Variants in RAVER1 observed in about 807,000 individuals in gnomAD.
The protein encoded by RAVER1 is ribonucleoprotein, PTB binding 1, also known as ribonucleoprotein PTB-binding 1.
RAVER1 carries 36 observed loss-of-function variants against 68.4 expected under a neutral mutation model. The ratio of observed to expected loss-of-function variants is 0.53; its 90% CI spans 0.40 to 0.70. The LOEUF is 0.70. Ranked by LOEUF, RAVER1 falls within the 30% of genes least tolerant of loss-of-function variation. The pLI, the probability that RAVER1 is intolerant of heterozygous loss-of-function variation, is 0.00. For missense variants in RAVER1, 933 were observed against 1,019.8 expected, an observed-to-expected ratio of 0.91 and a Z score of 1.16; for synonymous variants, 469 against 472.7, an observed-to-expected ratio of 0.99 and a Z score of 0.10.
chr19:10,323,176 G>T lies in RAVER1; in HGVS notation c.1047C>A (p.Pro349=). ...PSASLQLLLN[P]LLHGSAGGKQ... Reference sequence around the variant, plus strand: ...TCCCCCCCGCACTGCCATGGAGCAGGGGGTTGAGCAGCAGCTGGAGGGACG... The same window carrying T: ...TCCCCCCCGCACTGCCATGGAGCAGTGGGTTGAGCAGCAGCTGGAGGGACG... Residue 349 remains proline (P), a synonymous_variant, in exon 5 of 13, where the codon CCC becomes CCA. Coordinates refer to ENST00000617231, the MANE Select transcript of RAVER1 (RefSeq NM_133452.3). This position sits in a 1 kb window ranked among gnomAD's most constrained non-coding sequence, Gnocchi z 6.2. 1.9e-6 allele frequency: 3 copies of T among 1,611,212 alleles called. No individual in the cohort carries two copies. Among genetic ancestry groups the T allele is most frequent in the Non-Finnish European group, 2.5e-6 (3 of 1,178,918 alleles).
rs375304933 is a variant in RAVER1 at position 10,328,693 on chromosome 19, C to T, written c.705G>A (p.Val235=). The T allele has an allele frequency of 3.7e-6, 6 of 1,602,700 alleles. No homozygotes were observed. Among genetic ancestry groups the T allele is most frequent in the Non-Finnish European group, 5.1e-6 (6 of 1,175,312 alleles). The change falls in exon 3 of 13, where the codon GTG becomes GTA. Residue 235 remains valine, a synonymous_variant. Transcript: ENST00000617231. This position sits in a 1 kb window ranked among gnomAD's most constrained non-coding sequence, Gnocchi z 4.4. ...CTGACAGCGCCCGGCACAGAGCGTC[C>T]ACATCGTTGAAGCCAGGTGGCAGGC... ...VDRLPPGFND[V]DALCRALSAV...
chr19:10,321,601 TC>T lies in RAVER1; in HGVS notation c.1190del (p.Gly397GlufsTer110). On this transcript the variant is annotated frameshift_variant, in exon 7 of 13. Transcript: ENST00000617231. LOFTEE classifies it high-confidence loss of function. ...GCTGGAGGGCGCCCAGGGGTGAGTCTCCCAGGATGCCGGGCTTCTAGGGACA... is the reference window on the plus strand; with the variant it reads ...GCTGGAGGGCGCCCAGGGGTGAGTCTCCAGGATGCCGGGCTTCTAGGGACA... ...TQGQKKPGIL[G>X]DSPLGALQPG... The T allele has an allele frequency of 7.1e-7, 1 of 1,409,344 alleles. No individual in the cohort carries two copies. Among genetic ancestry groups the T allele is most frequent in the African/African-American group, 1.5e-5 (1 of 67,118 alleles). 87.3% of individuals were successfully genotyped at this position (1,409,344 alleles called of 1,614,324 possible). A position where few individuals can be genotyped will look rare whatever the true frequency, so the allele number is the denominator to read the frequency against.
At position 10,329,007 on chromosome 19, in the gene RAVER1, C is replaced by A; in HGVS notation, c.391G>T (p.Asp131Tyr). Residue 131 changes from aspartate (D) to tyrosine (Y), a missense_variant, in exon 3 of 13, where the codon GAT becomes TAT. Asp to Tyr is a radical substitution (Grantham distance 160). Around this residue, in one of 3 missense-constraint regions of RAVER1, gnomAD observed 211 missense variants for 230.0 expected, o/e 0.92. Transcript: ENST00000617231. The surrounding 1 kb of genome is among the most constrained non-coding windows in gnomAD (Gnocchi z 4.6). ...RELSVQLQPTDALLCVANLPP... is the reference protein window; with the variant it reads ...RELSVQLQPTYALLCVANLPP... ...AGGTTGGCCACACACAGCAGGGCAT[C>A]CGTGGGCTGCAGCTGCACCGACAGT... 1 of 1,578,370 alleles carries A rather than the reference C, an allele frequency of 6.3e-7. No individual in the cohort carries two copies. The highest frequency in any genetic ancestry group is 1.1e-5 in the South Asian group (1 of 86,964).
chr19:10,330,315 A>T, intron 2 of RAVER1, 145 bp downstream of exon 2: 2 of 582,414 alleles, frequency 3.4e-6, no homozygotes, highest in Non-Finnish European at 6.2e-6. Context: ...AGATGACAGG[A>T]TGACAGGCAG....
rs767115985 is a variant in RAVER1 at position 10,323,461 on chromosome 19, C to T, written c.862G>A (p.Gly288Arg). 6 of 1,610,032 alleles carry T rather than the reference C, an allele frequency of 3.7e-6. No homozygotes were observed. Among genetic ancestry groups the T allele is most frequent in the Non-Finnish European group, 5.1e-6 (6 of 1,179,562 alleles). ...AAGGAGACTCGCAGGTGGCTGCCCC[C>T]CAGGGACAGGCCGTCCGCCTGCTGC... ...AQQQADGLSL[G>R]GSHLRVSFCA... Residue 288 changes from glycine (G) to arginine (R), a missense_variant, in exon 4 of 13, where the codon GGG becomes AGG. By Grantham distance (125) the Gly-to-Arg change is moderately radical. This residue lies in a region of RAVER1 where 699 missense variants were observed against 731.1 expected (regional missense o/e 0.96). Transcript: ENST00000617231. The surrounding 1 kb of genome is among the most constrained non-coding windows in gnomAD (Gnocchi z 6.2).
rs562246379 is a variant in RAVER1, at chr19:10,328,698, C to T, written c.700G>A (p.Asp234Asn). 13 of 1,604,876 alleles carry T rather than the reference C, an allele frequency of 8.1e-6. No homozygotes were observed. The highest frequency in any genetic ancestry group is 2.2e-5 in the East Asian group (1 of 44,468). The change falls in exon 3 of 13, where the codon GAT becomes AAT. Residue 234 changes from aspartate (D) to asparagine (N), a missense_variant. Around this residue, in one of 3 missense-constraint regions of RAVER1, gnomAD observed 699 missense variants for 731.1 expected, o/e 0.96. Coordinates refer to ENST00000617231, the MANE Select transcript of RAVER1 (RefSeq NM_133452.3). The surrounding 1 kb of genome is among the most constrained non-coding windows in gnomAD (Gnocchi z 4.4). ...CVDRLPPGFN[D>N]VDALCRALSA... ...AGCGCCCGGCACAGAGCGTCCACAT[C>T]GTTGAAGCCAGGTGGCAGGCGGTCC... is the stretch of plus-strand genomic sequence containing the variant.
chr19:10,323,529 G>A lies in RAVER1; in HGVS notation c.794C>T (p.Ala265Val), dbSNP rs767186725. ...CTCAGCCGTCTCATACTCCAGCACC[G>A]CGAAGCCCTTCAGCTGCCCATCCTG... ...CGQDGQLKGF[A>V]VLEYETAEMA... The change falls in exon 4 of 13, where the codon GCG (alanine) becomes GTG (valine). Residue 265 changes from alanine to valine, a missense_variant. This residue lies in a region of RAVER1 where 699 missense variants were observed against 731.1 expected (regional missense o/e 0.96). Transcript: ENST00000617231. The surrounding 1 kb of genome is among the most constrained non-coding windows in gnomAD (Gnocchi z 6.2). 1.3e-4 allele frequency: 206 copies of A among 1,603,966 alleles called. No homozygotes were observed. Among genetic ancestry groups the A allele is most frequent in the Non-Finnish European group, 1.6e-4 (193 of 1,177,614 alleles).
Position 10,333,228 on chromosome 19 carries a change from C to G in RAVER1, c.219+61G>C, listed in dbSNP as rs2040536837. 3 of 1,494,986 alleles carry G rather than the reference C, an allele frequency of 2.0e-6. No homozygotes were observed. The highest frequency in any genetic ancestry group is 1.8e-6 in the Non-Finnish European group (2 of 1,101,204). The allele number at this position is 1,494,986 out of a possible 1,614,324, so 92.6% of individuals were successfully genotyped here. A position where few individuals can be genotyped will look rare whatever the true frequency, so the allele number is the denominator to read the frequency against. On this transcript the variant is annotated intron_variant, in intron 1 of 12. Transcript: ENST00000617231. This position sits in a 1 kb window ranked among gnomAD's most constrained non-coding sequence, Gnocchi z 4.2. ...ACCTCAGCGTTGGTGTCGCCCGGTT[C>G]CCCCCGCGCACGCGCACCGTGGTAT...
chr19:10,323,413 G>GGC lies in RAVER1; in HGVS notation c.908_909dup (p.Arg304AlafsTer204). 6.2e-7 allele frequency: 1 copy of GGC among 1,606,624 alleles called. No homozygotes were observed. The highest frequency in any genetic ancestry group is 8.5e-7 in the Non-Finnish European group (1 of 1,177,312). On this transcript the variant is annotated frameshift_variant, in exon 4 of 13. Coordinates refer to ENST00000617231, the MANE Select transcript of RAVER1 (RefSeq NM_133452.3). LOFTEE classifies it high-confidence loss of function. This position sits in a 1 kb window ranked among gnomAD's most constrained non-coding sequence, Gnocchi z 6.2. ...GCGATGAGAGCGGCCAGCATACTGC[G>GGC]GCCGGGGGGCCCAGGGGCGCAGAAG... is the stretch of plus-strand genomic sequence containing the variant.
chr19:10,329,271 C>T lies in RAVER1; in HGVS notation c.287-160G>A, dbSNP rs149399692. Reference sequence around the variant, plus strand: ...CCTTGGCGACTCACACAGGCGAGAGCGCCTGCCATTGACTCTAGGCTCCAC... The same window carrying T: ...CCTTGGCGACTCACACAGGCGAGAGTGCCTGCCATTGACTCTAGGCTCCAC... On this transcript the variant is annotated intron_variant, in intron 2 of 12. Coordinates refer to ENST00000617231, the MANE Select transcript of RAVER1 (RefSeq NM_133452.3). This position sits in a 1 kb window ranked among gnomAD's most constrained non-coding sequence, Gnocchi z 4.6. 2.2e-3 allele frequency among the ~76,000 whole-genome samples: 334 copies of T among 152,336 alleles called. 2 individuals carry two copies. Among genetic ancestry groups the T allele is most frequent in the African/African-American group, 7.6e-3 (317 of 41,576 alleles).
chr19:10,329,117 G>A lies in RAVER1; in HGVS notation c.287-6C>T, dbSNP rs1259945880. Reference sequence around the variant, plus strand: ...ATTCAGCAGGGTCACGAAGGCTGCGGTGGGAGGAGGGCAGTGCGAGGTCAG... The same window carrying A: ...ATTCAGCAGGGTCACGAAGGCTGCGATGGGAGGAGGGCAGTGCGAGGTCAG... On this transcript the variant is annotated splice_region_variant and splice_polypyrimidine_tract_variant and intron_variant, in intron 2 of 12. Coordinates refer to ENST00000617231, the MANE Select transcript of RAVER1 (RefSeq NM_133452.3). The surrounding 1 kb of genome is among the most constrained non-coding windows in gnomAD (Gnocchi z 4.6). 5 of 1,455,176 alleles carry A rather than the reference G, an allele frequency of 3.4e-6. No homozygotes were observed. The highest frequency in any genetic ancestry group is 1.4e-5 in the African/African-American group (1 of 70,208). The allele number at this position is 1,455,176 out of a possible 1,614,324, so 90.1% of individuals were successfully genotyped here.
chr19:10,331,500 G>C (rs1482921508), intron 1 of RAVER1, among the ~76,000 whole-genome samples: 1 of 148,526 alleles, frequency 6.7e-6, no homozygotes, highest in African/African-American at 2.5e-5. Context: ...ATCCTGGCCA[G>C]GAAGGTGAAA....
In RAVER1 at chr19:10,322,864, T is replaced by A; in HGVS notation, c.1079-125A>T. 1 of 566,620 alleles carries A rather than the reference T, an allele frequency of 1.8e-6. No individual in the cohort carries two copies. Among genetic ancestry groups the A allele is most frequent in the Non-Finnish European group, 3.0e-6 (1 of 338,184 alleles). 35.1% of individuals were successfully genotyped at this position (566,620 alleles called of 1,614,324 possible). ...CACTCTGGGGCCGGGGGGTGGGCAG[T>A]GGACTTGCCCAAAGGAAGGGCCTAG... On this transcript the variant is annotated intron_variant, in intron 5 of 12. Transcript: ENST00000617231. The surrounding 1 kb of genome is among the most constrained non-coding windows in gnomAD (Gnocchi z 4.3).
chr19:10,322,554 GA>G lies in RAVER1; in HGVS notation c.1173+90del. On this transcript the variant is annotated intron_variant, in intron 6 of 12. Coordinates refer to ENST00000617231, the MANE Select transcript of RAVER1 (RefSeq NM_133452.3). The surrounding 1 kb of genome is among the most constrained non-coding windows in gnomAD (Gnocchi z 4.3). The stretch of plus-strand genomic sequence containing the variant: ...GTTCTGCGCCCCCAGGGCACAGCCA[GA>G]GGTCCCCCCACCCCACCGATCGCAC... 5 of 963,780 alleles carry G rather than the reference GA, an allele frequency of 5.2e-6. No homozygotes were observed. Among genetic ancestry groups the G allele is most frequent in the Non-Finnish European group, 7.5e-6 (5 of 663,104 alleles). The allele number at this position is 963,780 out of a possible 1,614,324, so 59.7% of individuals were successfully genotyped here. A position where few individuals can be genotyped will look rare whatever the true frequency, so the allele number is the denominator to read the frequency against.
At position 10,333,499 on chromosome 19, in the gene RAVER1, C is replaced by T. The variant is rs766396874; in HGVS notation, c.9G>A (p.Ala3=). The change falls in exon 1 of 13, where the codon GCG becomes GCA. Residue 3 remains alanine (A), a synonymous_variant. Coordinates refer to ENST00000617231, the MANE Select transcript of RAVER1 (RefSeq NM_133452.3). The surrounding 1 kb of genome is among the most constrained non-coding windows in gnomAD (Gnocchi z 4.2). ...GGGGCCGGTGAGTAACGGACACGTCCGCCGCCATCTTGGGAAACCCGGCGC... is the reference window on the plus strand; with the variant it reads ...GGGGCCGGTGAGTAACGGACACGTCTGCCGCCATCTTGGGAAACCCGGCGC... MA[A]DVSVTHRPPL... 2 of 1,598,898 alleles carry T rather than the reference C, an allele frequency of 1.3e-6. No homozygotes were observed. Among genetic ancestry groups the T allele is most frequent in the South Asian group, 1.1e-5 (1 of 90,850 alleles).
chr19:10,320,492 A>G (rs1381051088), intron 9 of RAVER1, among the ~76,000 whole-genome samples, 163 bp downstream of exon 9: 1 of 143,748 alleles, frequency 7.0e-6, no homozygotes, highest in Non-Finnish European at 1.5e-5. Context: ...CAGCAGAGGG[A>G]GACCCTGTCT....
chr19:10,332,627 A>T (rs1175685413), intron 1 of RAVER1, among the ~76,000 whole-genome samples: 1 of 152,188 alleles, frequency 6.6e-6, no homozygotes, highest in African/African-American at 2.4e-5. Context: ...TCCAAAGAGC[A>T]TTGGGAAGCG....
At chr19:10,332,864 G>A (rs1241336556) in intron 1 of RAVER1, among the ~76,000 whole-genome samples, 1 of 152,118 alleles carries the variant, frequency 6.6e-6, no homozygotes, top group African/African-American at 2.4e-5. Flanking sequence ...ATATGGAGGG[G>A]CGTACTCTCC....
In RAVER1 at chr19:10,330,444, C is replaced by T. The variant is rs1454043339; in HGVS notation, c.286+16G>A. On this transcript the variant is annotated intron_variant, in intron 2 of 12. Transcript: ENST00000617231. Reference sequence around the variant, plus strand: ...TGGTCACTCCCTGCCCTGGCCCGCCCCATGGCCCCACAAACCTGTCCCTTT... The same window carrying T: ...TGGTCACTCCCTGCCCTGGCCCGCCTCATGGCCCCACAAACCTGTCCCTTT... 7.3e-7 allele frequency: 1 copy of T among 1,377,800 alleles called. No individual in the cohort carries two copies. The highest frequency in any genetic ancestry group is 1.0e-6 in the Non-Finnish European group (1 of 982,184). The allele number at this position is 1,377,800 out of a possible 1,614,324, so 85.3% of individuals were successfully genotyped here.
Sources: allele counts gnomAD v4.1 joint callset (sites outside exome capture counted in the v4.1 genomes callset), GRCh38; gene constraint gnomAD v4.1.1; regional missense constraint gnomAD v4.1.1; non-coding constraint Gnocchi (gnomAD v3.1); transcripts MANE v1.5; gene names NCBI Gene and HGNC (gene_info 2026-07-23, HGNC 2026-07-21).